Variants in BLOC1S5 observed in about 807,000 individuals in gnomAD.
BLOC1S5 encodes biogenesis of lysosomal organelles complex 1 subunit 5.
BLOC1S5 carries 27 observed loss-of-function variants against 24.3 expected under a neutral mutation model. That is an observed-to-expected ratio of 1.11 (90% CI 0.82 to 1.53). The LOEUF (loss-of-function observed/expected upper bound fraction) is 1.53, where lower values mean the gene tolerates loss of function less well. Ranked by LOEUF, BLOC1S5 falls within the 40% of genes most tolerant of loss-of-function variation. The pLI is 0.00. For synonymous variants in BLOC1S5, 84 were observed against 74.5 expected (o/e 1.13, Z -0.66); for missense variants, 239 against 229.4 (o/e 1.04, Z -0.27).
chr6:8,022,623 C>G (rs1280654177), intron 4 of BLOC1S5, among the ~76,000 whole-genome samples: 2 of 119,446 alleles, frequency 1.7e-5, no homozygotes, highest in Non-Finnish European at 3.2e-5. Flanking sequence ...CTCGCTCTGT[C>G]GCCCAGGCTG....
At chr6:8,044,596 C>T (rs1763812723) in intron 2 of BLOC1S5, among the ~76,000 whole-genome samples, 1 of 152,174 alleles carries the variant, frequency 6.6e-6, no homozygotes, top group Non-Finnish European at 1.5e-5. Flanking sequence ...TAGAGACTTG[C>T]TGAATGGCTT....
rs1415538654 is a variant in BLOC1S5, at chr6:8,021,002, G to A, written c.385-5174C>T. ...TAGCCAAAGGTGGGAGAACCTAAAC[G>A]TCCATAGACAGATGAACAGATAAAC... On this transcript the variant is annotated intron_variant, in intron 4 of 4. Coordinates refer to ENST00000397457, the MANE Select transcript of BLOC1S5 (RefSeq NM_201280.3). 2.6e-5 allele frequency among the ~76,000 whole-genome samples: 4 copies of A among 152,092 alleles called. No homozygotes were observed. The East Asian group carries it at 5.8e-4, about 22-fold the overall frequency.
chr6:8,037,808 C>A (rs1395742186), intron 3 of BLOC1S5, among the ~76,000 whole-genome samples: 1 of 152,008 alleles, frequency 6.6e-6, no homozygotes, highest in Non-Finnish European at 1.5e-5. Flanking sequence ...AATCAATAAC[C>A]CAGATATAAA....
intron 2 of BLOC1S5, among the ~76,000 whole-genome samples, chr6:8,059,251 C>G (rs944466136): frequency 1.3e-5 from 2 of 152,222 alleles, no homozygotes; most frequent in Non-Finnish European, 2.9e-5. Context: ...AGGAGACAGA[C>G]AGTCATCTGT....
intron 3 of BLOC1S5, among the ~76,000 whole-genome samples, chr6:8,029,265 G>C (rs982243115): frequency 2.0e-5 from 3 of 152,134 alleles, no homozygotes; most frequent in African/African-American, 7.2e-5. Context: ...ATGAGGATAA[G>C]ACAGTTCTCA....
rs749851872 is a variant in BLOC1S5 at position 8,064,297 on chromosome 6, C to A, written c.80G>T (p.Gly27Val). ...GGGSKKRDSL[G>V]TAGSAHLIIK... Reference sequence around the variant, plus strand: ...AATGAGGTGCGCTGAGCCCGCAGTCCCCAGGGAGTCCCTCTTCTTGCTGCC... The same window carrying A: ...AATGAGGTGCGCTGAGCCCGCAGTCACCAGGGAGTCCCTCTTCTTGCTGCC... Residue 27 changes from glycine to valine, a missense_variant, in exon 1 of 5, where the codon GGG (glycine) becomes GTG (valine). Gly to Val is a moderately radical substitution (Grantham distance 109, BLOSUM62 -3). Transcript: ENST00000397457. The A allele has an allele frequency of 1.2e-6, 2 of 1,613,826 alleles. No individual in the cohort carries two copies. Among genetic ancestry groups the A allele is most frequent in the Non-Finnish European group, 1.7e-6 (2 of 1,179,858 alleles).
intron 4 of BLOC1S5, among the ~76,000 whole-genome samples, chr6:8,022,705 C>T (rs1762964841): frequency 1.4e-5 from 2 of 145,642 alleles, no homozygotes; most frequent in African/African-American, 2.7e-5. Context: ...CTGCCTCAGC[C>T]TCCCAAGTAG....
intron 2 of BLOC1S5, among the ~76,000 whole-genome samples, chr6:8,047,453 T>C (rs1763945856): frequency 6.6e-6 from 1 of 152,188 alleles, no homozygotes; most frequent in Non-Finnish European, 1.5e-5. Context: ...GCCAACAATT[T>C]TTTAATATCA....
chr6:8,033,114 C>T (rs1297222178), intron 3 of BLOC1S5, among the ~76,000 whole-genome samples: 2 of 152,050 alleles, frequency 1.3e-5, no homozygotes, highest in African/African-American at 2.4e-5. Context: ...CTTCACAGAA[C>T]TGGAAAAAAC....
chr6:8,017,465 A>G (rs1762784183), intron 4 of BLOC1S5, among the ~76,000 whole-genome samples: 1 of 152,178 alleles, frequency 6.6e-6, no homozygotes, highest in Admixed American at 6.5e-5. Context: ...CACTTGAATG[A>G]AAAAGGGACA....
chr6:8,028,376 A>AG, intron 3 of BLOC1S5, among the ~76,000 whole-genome samples: 1 of 152,040 alleles, frequency 6.6e-6, no homozygotes, highest in Non-Finnish European at 1.5e-5. Flanking sequence ...AAAAAAAAAA[A>AG]ACAGGAGTTG....
At chr6:8,040,894 G>A (rs1187534926) in intron 3 of BLOC1S5, among the ~76,000 whole-genome samples, 1 of 151,958 alleles carries the variant, frequency 6.6e-6, no homozygotes, top group African/African-American at 2.4e-5. Context: ...GGTGAAAACT[G>A]TTTTGACTTT....
chr6:8,054,895 C>T (rs1367174459), intron 2 of BLOC1S5, among the ~76,000 whole-genome samples: 1 of 152,124 alleles, frequency 6.6e-6, no homozygotes, highest in African/African-American at 2.4e-5. Flanking sequence ...ACACATATTT[C>T]AATTTTTCAT....
chr6:8,047,199 C>T (rs12215622), intron 2 of BLOC1S5, among the ~76,000 whole-genome samples: 2 of 112,692 alleles, frequency 1.8e-5, no homozygotes, highest in Admixed American at 8.7e-5. Flanking sequence ...CACACACACA[C>T]AGTCAACAGT....
chr6:8,024,810 T>C (rs560271623), intron 4 of BLOC1S5, among the ~76,000 whole-genome samples: 17 of 152,336 alleles, frequency 1.1e-4, no homozygotes, highest in African/African-American at 3.4e-4. Context: ...ATTTTTATAA[T>C]GCAATTTACC....
intron 1 of BLOC1S5, 124 bp downstream of exon 1, chr6:8,064,141 C>T: frequency 4.1e-6 from 3 of 733,008 alleles, no homozygotes; most frequent in Non-Finnish European, 6.3e-6. Flanking sequence ...CCACGACTCC[C>T]CCACCCGCAC....
chr6:8,050,885 A>T (rs1490174628), intron 2 of BLOC1S5, among the ~76,000 whole-genome samples: 1 of 151,944 alleles, frequency 6.6e-6, no homozygotes, highest in African/African-American at 2.4e-5. Flanking sequence ...GATTACAGGC[A>T]TGAGCAACTG....
rs1294125597 is a variant in BLOC1S5, at chr6:8,041,141, C to T, written c.323G>A (p.Arg108Lys). 1.9e-6 allele frequency: 3 copies of T among 1,580,760 alleles called. No individual in the cohort carries two copies. Among genetic ancestry groups the T allele is most frequent in the Admixed American group, 3.8e-5 (2 of 52,656 alleles). Residue 108 changes from arginine to lysine, a missense_variant and splice_region_variant, in exon 3 of 5, where the codon AGA becomes AAA. Transcript: ENST00000397457. ...MRDSLSQVLQRLQAANDSVCR... is the reference protein window; with the variant it reads ...MRDSLSQVLQKLQAANDSVCR... ...TTAAAAAAGAATTGCTGACTCACAT[C>T]TCTGGAGAACCTGGCTGAGGCTGTC...
intron 2 of BLOC1S5, among the ~76,000 whole-genome samples, chr6:8,056,617 A>G (rs1764318633): frequency 1.3e-5 from 2 of 152,220 alleles, no homozygotes; most frequent in South Asian, 4.1e-4. Context: ...ATGGTCTCTC[A>G]GTTCAAAGAC....
Sources: gnomAD v4.1 joint callset for allele counts (sites outside exome capture counted in the v4.1 genomes callset) on GRCh38, gnomAD v4.1.1 for gene constraint, MANE v1.5 for transcripts, NCBI Gene and HGNC (gene_info 2026-07-23, HGNC 2026-07-21) for gene names.